Variants in SDK1 observed in about 807,000 individuals in gnomAD.
SDK1 encodes sidekick cell adhesion molecule 1, also known as protein sidekick-1.
Under a neutral mutation model 245.5 loss-of-function variants are expected in SDK1, and 157 were observed. The ratio of observed to expected loss-of-function variants is 0.64; its 90% confidence interval spans 0.56 to 0.73. The LOEUF (loss-of-function observed/expected upper bound fraction) is 0.73, where lower values mean the gene tolerates loss of function less well. Among genes scored for constraint, SDK1 ranks in the 30% least tolerant of loss-of-function variants. The pLI, the probability that SDK1 is intolerant of heterozygous loss-of-function variation, is 0.00. For missense variants in SDK1, 3,583 were observed against 3,002.3 expected (o/e 1.19, Z -4.52); for synonymous variants, 1,647 against 1,278.5 (o/e 1.29, Z -6.15).
chr7:3,788,575 C>G (rs971685685), intron 4 of SDK1, among the ~76,000 whole-genome samples: 2 of 152,100 alleles, frequency 1.3e-5, no homozygotes, highest in African/African-American at 4.8e-5. Flanking sequence ...TCAGGGGTGT[C>G]CAATCTTTTG....
At position 3,631,299 on chromosome 7, in the gene SDK1, G is replaced by C. The variant is rs532494507; in HGVS notation, c.459-7705G>C. 3.9e-5 allele frequency among the ~76,000 whole-genome samples: 6 copies of C among 152,200 alleles called. No individual in the cohort carries two copies. In the East Asian group the frequency reaches 9.6e-4, roughly 24 times the overall value. On this transcript the variant is annotated intron_variant, in intron 2 of 44. Transcript: ENST00000404826. ...TCTCTCTGTACTCACCAAGAAGAAA[G>C]TCTATTATATTTAATTGAGAACTCT...
intron 5 of SDK1, among the ~76,000 whole-genome samples, chr7:3,830,200 C>G (rs565234189): frequency 6.6e-6 from 1 of 152,234 alleles, no homozygotes; most frequent in African/African-American, 2.4e-5. Context: ...AGAATTAATT[C>G]ACCAAGCAGA....
chr7:3,677,142 A>C (rs2114978628), intron 4 of SDK1, among the ~76,000 whole-genome samples: 1 of 152,210 alleles, frequency 6.6e-6, no homozygotes, highest in Non-Finnish European at 1.5e-5. Flanking sequence ...CACCCTACTT[A>C]AACCCTTGGA....
chr7:3,607,965 C>T (rs987213476), intron 1 of SDK1, among the ~76,000 whole-genome samples: 3 of 152,218 alleles, frequency 2.0e-5, no homozygotes, highest in Admixed American at 2.0e-4. Context: ...GGCCACAAGG[C>T]CAAAATCATT....
chr7:3,769,077 A>G (rs1220594240), intron 4 of SDK1, among the ~76,000 whole-genome samples: 1 of 152,196 alleles, frequency 6.6e-6, no homozygotes, highest in South Asian at 2.1e-4. Context: ...CTTTTTAAAT[A>G]AGACTTTTTA....
chr7:3,578,888 CCAAT>C (rs1780393040), intron 1 of SDK1, among the ~76,000 whole-genome samples: 1 of 151,594 alleles, frequency 6.6e-6, no homozygotes, highest in African/African-American at 2.4e-5. Flanking sequence ...TACAGTTAAC[CCAAT>C]CAAAGTGGAC....
intron 20 of SDK1, among the ~76,000 whole-genome samples, chr7:4,069,722 G>A (rs962801110): frequency 1.2e-4 from 18 of 152,192 alleles, no homozygotes; most frequent in African/African-American, 1.2e-4. Context: ...TTTCTTCTCC[G>A]CACTGGCGTC....
chr7:3,544,082 A>G (rs980592941), intron 1 of SDK1, among the ~76,000 whole-genome samples: 1 of 152,182 alleles, frequency 6.6e-6, no homozygotes, highest in African/African-American at 2.4e-5. Context: ...ATCCTTGACT[A>G]AAGGCCTTTC....
At chr7:4,248,550 A>G (rs976867450) in intron 44 of SDK1, among the ~76,000 whole-genome samples, 1 of 152,088 alleles carries the variant, frequency 6.6e-6, no homozygotes, top group African/African-American at 2.4e-5. Context: ...ATGCAAACAC[A>G]TACATATACC....
chr7:4,062,325 C>T (rs969849821), intron 19 of SDK1, among the ~76,000 whole-genome samples: 2 of 152,016 alleles, frequency 1.3e-5, no homozygotes, highest in South Asian at 2.1e-4. Context: ...GAGACTCTTA[C>T]TAACAACTAT....
intron 5 of SDK1, among the ~76,000 whole-genome samples, chr7:3,878,958 TTAAC>T: frequency 6.6e-6 from 1 of 152,296 alleles, no homozygotes; most frequent in South Asian, 2.1e-4. Flanking sequence ...AAAATTTTAA[TTAAC>T]ATTTGCTAAT....
intron 4 of SDK1, among the ~76,000 whole-genome samples, chr7:3,806,098 C>T (rs1202999528): frequency 2.0e-5 from 3 of 152,218 alleles, no homozygotes; most frequent in East Asian, 1.9e-4. Flanking sequence ...GCCCTCCCAC[C>T]ATCTTCAAAG....
At chr7:3,543,836 ACTT>A (rs1231751625) in intron 1 of SDK1, among the ~76,000 whole-genome samples, 1 of 152,186 alleles carries the variant, frequency 6.6e-6, no homozygotes, top group African/African-American at 2.4e-5. Flanking sequence ...ATGAATATTA[ACTT>A]CTTAGTGACT....
chr7:3,417,665 G>A (rs1240805503), intron 1 of SDK1, among the ~76,000 whole-genome samples: 1 of 152,104 alleles, frequency 6.6e-6, no homozygotes, highest in Non-Finnish European at 1.5e-5. Flanking sequence ...TGATATATTT[G>A]TTGCCTTTCT....
chr7:3,950,457 T>C (rs1780759887), intron 5 of SDK1, among the ~76,000 whole-genome samples: 1 of 152,180 alleles, frequency 6.6e-6, no homozygotes, highest in Admixed American at 6.5e-5. Context: ...GTAAGATATT[T>C]TGAGAGATAG....
At chr7:3,592,801 A>G (rs548984376) in intron 1 of SDK1, among the ~76,000 whole-genome samples, 1 of 152,326 alleles carries the variant, frequency 6.6e-6, no homozygotes, top group South Asian at 2.1e-4. Context: ...ACACCTTAAC[A>G]TATGATCTGA....
chr7:4,131,383 G>A (rs1322456984), intron 27 of SDK1, among the ~76,000 whole-genome samples: 1 of 152,234 alleles, frequency 6.6e-6, no homozygotes, highest in Non-Finnish European at 1.5e-5. Flanking sequence ...TTGCGTATCT[G>A]TGACTTAGTC....
intron 1 of SDK1, among the ~76,000 whole-genome samples, chr7:3,458,594 C>G (rs1055950679): frequency 6.6e-6 from 1 of 151,806 alleles, no homozygotes; most frequent in African/African-American, 2.4e-5. Flanking sequence ...ACAGAACCAT[C>G]TACAAGTATA....
intron 39 of SDK1, 142 bp downstream of exon 39, chr7:4,220,412 C>T (rs1372874010): frequency 1.2e-6 from 1 of 825,554 alleles, no homozygotes; most frequent in Non-Finnish European, 1.8e-6. Flanking sequence ...GATGTCTGGG[C>T]AACATGGACG....
Sources: gnomAD v4.1 joint callset for allele counts (sites outside exome capture counted in the v4.1 genomes callset) on GRCh38, gnomAD v4.1.1 for gene constraint, MANE v1.5 for transcripts, NCBI Gene and HGNC (gene_info 2026-07-23, HGNC 2026-07-21) for gene names.